Variants in FHIT observed in about 807,000 individuals in gnomAD.
FHIT encodes the protein fragile histidine triad diadenosine triphosphatase.
Under a neutral mutation model 17.9 loss-of-function variants are expected in FHIT, and 19 were observed. The observed-to-expected ratio is 1.06, with a 90% CI of 0.74 to 1.56. FHIT has a LOEUF of 1.56. FHIT is among the 40% of genes most tolerant of loss of function. The pLI is 0.00. For synonymous variants in FHIT, 81 were observed against 69.7 expected (o/e 1.16, Z -0.81); for missense variants, 248 against 189.2 (o/e 1.31, Z -1.82).
At chr3:60,584,099 G>A (rs148948641) in intron 4 of FHIT, among the ~76,000 whole-genome samples, 1 of 152,158 alleles carries the variant, frequency 6.6e-6, no homozygotes, top group East Asian at 1.9e-4. Context: ...TCCACAGAAT[G>A]ACCAGGACCT....
At chr3:61,227,199 G>A (rs1246900994) in intron 1 of FHIT, among the ~76,000 whole-genome samples, 2 of 152,074 alleles carry the variant, frequency 1.3e-5, no homozygotes, top group Non-Finnish European at 2.9e-5. Context: ...AAGGCCTCAG[G>A]ACACAGTAGA....
chr3:60,124,154 G>C (rs1402294238), intron 5 of FHIT, among the ~76,000 whole-genome samples: 1 of 150,274 alleles, frequency 6.7e-6, no homozygotes, highest in African/African-American at 2.5e-5. Context: ...CTGGGTTCAA[G>C]TGATCCTCCT....
intron 4 of FHIT, among the ~76,000 whole-genome samples, chr3:60,683,106 C>T (rs995393253): frequency 3.3e-5 from 5 of 152,186 alleles, no homozygotes; most frequent in East Asian, 3.9e-4. Flanking sequence ...TTGCTTCTTA[C>T]GGGTAAGCAA....
chr3:60,826,396 G>A (rs947518650), intron 3 of FHIT, among the ~76,000 whole-genome samples: 5 of 151,998 alleles, frequency 3.3e-5, no homozygotes, highest in Admixed American at 2.6e-4. Flanking sequence ...GCACAATCTC[G>A]GCTCACTGCA....
At chr3:60,216,631 T>G (rs1178102121) in intron 5 of FHIT, among the ~76,000 whole-genome samples, 1 of 152,184 alleles carries the variant, frequency 6.6e-6, no homozygotes, top group Non-Finnish European at 1.5e-5. Flanking sequence ...TAGAGTATGT[T>G]TACTATCTGC....
chr3:60,374,651 G>A (rs144243195), intron 5 of FHIT, among the ~76,000 whole-genome samples: 1 of 150,830 alleles, frequency 6.6e-6, no homozygotes, highest in African/African-American at 2.4e-5. Context: ...TATGTAGAAG[G>A]ACTTCAAGCG....
At chr3:59,828,733 T>C (rs923454598) in intron 8 of FHIT, among the ~76,000 whole-genome samples, 11 of 152,134 alleles carry the variant, frequency 7.2e-5, no homozygotes, top group Admixed American at 7.2e-4. Flanking sequence ...AACGGGAAAA[T>C]CTCTTTCCAA....
At chr3:60,594,320 G>A (rs1473017330) in intron 4 of FHIT, among the ~76,000 whole-genome samples, 1 of 152,216 alleles carries the variant, frequency 6.6e-6, no homozygotes, top group African/African-American at 2.4e-5. Flanking sequence ...TAGCCCATGG[G>A]AAGCTGAACA....
At chr3:60,420,990 T>C (rs1157818670) in intron 5 of FHIT, among the ~76,000 whole-genome samples, 4 of 151,840 alleles carry the variant, frequency 2.6e-5, no homozygotes, top group South Asian at 2.1e-4. Flanking sequence ...TCACCAGTTA[T>C]CACAATTACC....
At chr3:59,837,305 T>C (rs924911459) in intron 8 of FHIT, among the ~76,000 whole-genome samples, 5 of 152,188 alleles carry the variant, frequency 3.3e-5, no homozygotes, top group Non-Finnish European at 4.4e-5. Context: ...TAAAATGTCA[T>C]AGTATTTGCA....
At chr3:60,955,613 T>TATATATATACATATATATAC in intron 3 of FHIT, among the ~76,000 whole-genome samples, 1 of 13,326 alleles carries the variant, frequency 7.5e-5, no homozygotes, top group African/African-American at 1.2e-4. Flanking sequence ...TATATATATA[T>TATATATATACATATATATAC]ATATATATAT....
At chr3:60,210,483 G>A (rs1314063916) in intron 5 of FHIT, among the ~76,000 whole-genome samples, 1 of 151,960 alleles carries the variant, frequency 6.6e-6, no homozygotes, top group African/African-American at 2.4e-5. Context: ...GAAACAAATT[G>A]GGAGAACACA....
intron 4 of FHIT, among the ~76,000 whole-genome samples, chr3:60,737,755 AC>A (rs1408373020): frequency 1.3e-5 from 2 of 152,284 alleles, no homozygotes; most frequent in Admixed American, 6.5e-5. Flanking sequence ...TGGCAAAAAA[AC>A]AAAAAGGATA....
At chr3:60,145,005 A>T (rs1700181213) in intron 5 of FHIT, among the ~76,000 whole-genome samples, 1 of 152,142 alleles carries the variant, frequency 6.6e-6, no homozygotes, top group Non-Finnish European at 1.5e-5. Flanking sequence ...AAAAAACATC[A>T]ATTCCAGTGA....
At chr3:60,152,695 G>A (rs1576210292) in intron 5 of FHIT, among the ~76,000 whole-genome samples, 1 of 152,150 alleles carries the variant, frequency 6.6e-6, no homozygotes, top group East Asian at 1.9e-4. Flanking sequence ...TGCCAAAATG[G>A]CATGTTACAC....
At chr3:61,169,561 T>C (rs1013368169) in intron 2 of FHIT, among the ~76,000 whole-genome samples, 2 of 152,238 alleles carry the variant, frequency 1.3e-5, no homozygotes, top group Non-Finnish European at 2.9e-5. Context: ...TCACCTTTAA[T>C]ATGAATTTAG....
At chr3:60,810,022 C>T (rs1019066280) in intron 4 of FHIT, among the ~76,000 whole-genome samples, 3 of 152,256 alleles carry the variant, frequency 2.0e-5, no homozygotes, top group African/African-American at 4.8e-5. Flanking sequence ...CCACACACTG[C>T]GGTGATGATA....
chr3:60,157,932 G>A (rs145272269), intron 5 of FHIT, among the ~76,000 whole-genome samples: 2 of 152,254 alleles, frequency 1.3e-5, no homozygotes, highest in East Asian at 3.9e-4. Flanking sequence ...ATGGTGATGA[G>A]ATGGCTGCAT....
At chr3:60,656,721 A>G (rs564053600) in intron 4 of FHIT, among the ~76,000 whole-genome samples, 2 of 152,316 alleles carry the variant, frequency 1.3e-5, no homozygotes, top group South Asian at 4.1e-4. Context: ...CACAAAGGCA[A>G]TTAGAAGGGT....
Sources: gnomAD v4.1 joint callset for allele counts (sites outside exome capture counted in the v4.1 genomes callset) on GRCh38, gnomAD v4.1.1 for gene constraint, MANE v1.5 for transcripts, NCBI Gene and HGNC (gene_info 2026-07-23, HGNC 2026-07-21) for gene names.